Variants in CUL1 observed in about 807,000 individuals in gnomAD.
The protein encoded by CUL1 is cullin 1.
A neutral mutation model predicts 118.0 loss-of-function variants in CUL1; 24 were observed. The observed-to-expected ratio is 0.20, with a 90% confidence interval of 0.15 to 0.29. The LOEUF (loss-of-function observed/expected upper bound fraction) is 0.29. Ranked by LOEUF, CUL1 falls within the 10% of genes least tolerant of loss-of-function variation. CUL1 has a pLI of 1.00. For synonymous variants in CUL1, 332 were observed against 340.4 expected (o/e 0.98, Z 0.27); for missense variants, 361 against 933.8 (o/e 0.39, Z 7.99).
At chr7:148,747,717 A>G (rs1799350968) in intron 2 of CUL1, among the ~76,000 whole-genome samples, 1 of 152,260 alleles carries the variant, frequency 6.6e-6, no homozygotes, top group Non-Finnish European at 1.5e-5. Context: ...AAAAACCACT[A>G]TGGAAAACAA....
Position 148,751,658 on chromosome 7 carries a change from A to T in CUL1, c.141-2318A>T, listed in dbSNP as rs559824344. On this transcript the variant is annotated intron_variant, in intron 2 of 21. Coordinates refer to ENST00000325222, the MANE Select transcript of CUL1 (RefSeq NM_003592.3). ...TTGCAGCTTTGTAAATACACAAAAA[A>T]TAGGTATCTGCCAAAAGGACTATTA... 2.3e-4 allele frequency among the ~76,000 whole-genome samples: 35 copies of T among 152,296 alleles called. 1 individual carries two copies. The South Asian group carries it at 6.6e-3, about 29-fold the overall frequency.
intron 1 of CUL1, among the ~76,000 whole-genome samples, chr7:148,718,327 G>T (rs1346637733): frequency 6.6e-6 from 1 of 152,150 alleles, no homozygotes; most frequent in Non-Finnish European, 1.5e-5. Context: ...TGCAATTTTA[G>T]AACATTTCCA....
At chr7:148,737,687 G>A (rs780550681) in intron 2 of CUL1, among the ~76,000 whole-genome samples, 7 of 151,502 alleles carry the variant, frequency 4.6e-5, no homozygotes, top group Non-Finnish European at 8.8e-5. Context: ...TGCAACCTCC[G>A]CCTCCTGGGT....
chr7:148,776,241 G>C (rs185588666), intron 9 of CUL1, among the ~76,000 whole-genome samples: 72 of 139,794 alleles, frequency 5.2e-4, no homozygotes, highest in African/African-American at 1.9e-3. Flanking sequence ...ATGAGACGAA[G>C]AGAATAATCA....
Position 148,785,449 on chromosome 7 carries a change from C to T in CUL1, c.1299-1102C>T, listed in dbSNP as rs191385305. 3.7e-4 allele frequency among the ~76,000 whole-genome samples: 56 copies of T among 152,018 alleles called. 3 individuals carry two copies. In the East Asian group the frequency reaches 0.01, roughly 28 times the overall value. On this transcript the variant is annotated intron_variant, in intron 11 of 21. Transcript: ENST00000325222. The stretch of plus-strand genomic sequence containing the variant: ...TCTCGGCTCACTGCAACCTCTGCCT[C>T]CTGAGTTTAAGTGATTCTCATGCCT...
intron 2 of CUL1, among the ~76,000 whole-genome samples, chr7:148,737,798 A>G (rs1022856282): frequency 6.6e-6 from 1 of 151,712 alleles, no homozygotes; most frequent in Non-Finnish European, 1.5e-5. Context: ...ACGGGGTTTC[A>G]TGTTAGCCAG....
chr7:148,793,415 T>C (rs1801083731), intron 17 of CUL1, among the ~76,000 whole-genome samples: 1 of 152,122 alleles, frequency 6.6e-6, no homozygotes, highest in Admixed American at 6.5e-5. Flanking sequence ...AATTCCAGAG[T>C]GTTTTATCAC....
At chr7:148,733,260 T>C (rs190014528) in intron 2 of CUL1, among the ~76,000 whole-genome samples, 548 of 152,348 alleles carry the variant, frequency 3.6e-3, no homozygotes, top group Middle Eastern at 0.014. Flanking sequence ...AACTCTTCAA[T>C]GTATTAGGGT....
At chr7:148,725,439 T>TA (rs1798547433) in intron 1 of CUL1, among the ~76,000 whole-genome samples, 1 of 152,204 alleles carries the variant, frequency 6.6e-6, no homozygotes, top group Non-Finnish European at 1.5e-5. Context: ...CAGCGGGAGT[T>TA]AAAGGCCTGG....
At chr7:148,718,210 T>G (rs1798278317) in intron 1 of CUL1, among the ~76,000 whole-genome samples, 1 of 152,258 alleles carries the variant, frequency 6.6e-6, no homozygotes, top group African/African-American at 2.4e-5. Context: ...TTGTTTTTTC[T>G]TAACAACTTT....
intron 21 of CUL1, among the ~76,000 whole-genome samples, chr7:148,799,839 C>T (rs963089961): frequency 4.6e-5 from 7 of 152,192 alleles, no homozygotes; most frequent in African/African-American, 1.2e-4. Context: ...ATTGCGGTAT[C>T]GAGAAGCACT....
intron 7 of CUL1, among the ~76,000 whole-genome samples, chr7:148,763,424 A>G (rs540058625): frequency 1.6e-4 from 24 of 152,304 alleles, no homozygotes; most frequent in African/African-American, 5.3e-4. Flanking sequence ...GAATTTGACC[A>G]TGTAATTCTG....
rs573634260 is a variant in CUL1 at position 148,707,505 on chromosome 7, AT to A, written c.-162+8486del. On this transcript the variant is annotated intron_variant, in intron 1 of 21. Transcript: ENST00000325222. The stretch of plus-strand genomic sequence containing the variant: ...TCACTTTTTATTTTTTTAAATAATA[AT>A]TTTTTTTTTAAGTTTCAGGGTACCA... Among the ~76,000 whole-genome samples the A allele has an allele frequency of 7.1e-3, 1,067 of 150,706 alleles. 5 individuals are homozygous for A. Among genetic ancestry groups the A allele is most frequent in the Non-Finnish European group, 0.012 (802 of 67,578 alleles).
intron 1 of CUL1, among the ~76,000 whole-genome samples, chr7:148,700,861 T>A (rs2129458713): frequency 6.6e-6 from 1 of 152,348 alleles, no homozygotes; most frequent in Middle Eastern, 3.4e-3. Context: ...GAGAGCCACA[T>A]GCTCAGGTCC....
At chr7:148,765,579 T>C (rs1799979070) in intron 7 of CUL1, among the ~76,000 whole-genome samples, 1 of 152,148 alleles carries the variant, frequency 6.6e-6, no homozygotes, top group African/African-American at 2.4e-5. Flanking sequence ...TGCAGTGAGC[T>C]ATGATTGTGC....
intron 1 of CUL1, among the ~76,000 whole-genome samples, chr7:148,712,960 A>G (rs544732008): frequency 7.9e-5 from 12 of 152,358 alleles, no homozygotes; most frequent in Non-Finnish European, 1.3e-4. Flanking sequence ...TAACTGGGAA[A>G]AAAAAATGCA....
intron 1 of CUL1, among the ~76,000 whole-genome samples, chr7:148,724,708 A>G (rs1379771625): frequency 6.6e-6 from 1 of 152,154 alleles, no homozygotes; most frequent in Non-Finnish European, 1.5e-5. Flanking sequence ...CCAAGTCAGG[A>G]GGTGGCACAT....
intron 7 of CUL1, among the ~76,000 whole-genome samples, chr7:148,763,397 C>G (rs1053031924): frequency 1.5e-4 from 23 of 152,248 alleles, no homozygotes; most frequent in African/African-American, 5.3e-4. Context: ...TGCAGAGAGT[C>G]TATAAGCATA....
At chr7:148,770,216 C>T (rs1800162586) in intron 9 of CUL1, among the ~76,000 whole-genome samples, 2 of 152,236 alleles carry the variant, frequency 1.3e-5, no homozygotes, top group Admixed American at 6.5e-5. Context: ...CTGCCTTTAA[C>T]AGCAGTTACA....
Sources: allele counts gnomAD v4.1 joint callset (sites outside exome capture counted in the v4.1 genomes callset), GRCh38; gene constraint gnomAD v4.1.1; transcripts MANE v1.5; gene names NCBI Gene and HGNC (gene_info 2026-07-23, HGNC 2026-07-21).